Variants in FAT4 observed in about 807,000 individuals in gnomAD.
FAT4 encodes protocadherin Fat 4.
Under a neutral mutation model 303.9 loss-of-function variants are expected in FAT4, and 84 were observed. The observed-to-expected ratio is 0.28, with a 90% CI of 0.23 to 0.33. The LOEUF (loss-of-function observed/expected upper bound fraction) is 0.33, where lower values mean the gene tolerates loss of function less well. Among genes scored for constraint, FAT4 ranks in the 10% least tolerant of loss-of-function variants. FAT4 has a pLI of 1.00. For missense variants in FAT4, 6,005 were observed against 6,146.8 expected (o/e 0.98, Z 0.77); for synonymous variants, 2,307 against 2,298.8 (o/e 1.00, Z -0.10).
intron 2 of FAT4, among the ~76,000 whole-genome samples, chr4:125,361,831 C>A (rs978551157): frequency 3.3e-5 from 5 of 152,088 alleles, no homozygotes; most frequent in African/African-American, 1.2e-4. Flanking sequence ...TCTATTTGTT[C>A]TCATGTGCAA....
At chr4:125,432,494 G>A (rs1287164164) in intron 7 of FAT4, among the ~76,000 whole-genome samples, 7 of 152,092 alleles carry the variant, frequency 4.6e-5, no homozygotes, top group African/African-American at 1.2e-4. Flanking sequence ...ATGGAATTTT[G>A]ACAGTCTTAT....
chr4:125,426,615 T>G (rs1271534829), intron 7 of FAT4, among the ~76,000 whole-genome samples: 1 of 152,076 alleles, frequency 6.6e-6, no homozygotes, highest in Non-Finnish European at 1.5e-5. Context: ...AAAAAAATAT[T>G]TCTACATAGA....
rs1274448596 is a variant in FAT4, at chr4:125,463,574, G to A, written c.11812G>A (p.Glu3938Lys). The A allele has an allele frequency of 3.2e-6, 5 of 1,578,120 alleles. No homozygotes were observed. Among genetic ancestry groups the A allele is most frequent in the Non-Finnish European group, 4.3e-6 (5 of 1,158,062 alleles). The change falls in exon 11 of 18, where the codon GAA becomes AAA. Residue 3938 changes from glutamate to lysine, a missense_variant. Physicochemically the swap from Glu to Lys is moderately conservative, Grantham distance 56. Transcript: ENST00000394329. ...CKTGYTGKMC[E>K]SSVNYCECNP... is the part of the protein sequence containing the mutation. The stretch of plus-strand genomic sequence containing the variant: ...TTGATATATTTTAGGGAAAATGTGT[G>A]AATCTTCAGTCAATTACTGTGAATG...
rs1329863919 is a variant in FAT4 at position 125,319,239 on chromosome 4, A to G, written c.2828A>G (p.Asn943Ser). The stretch of plus-strand genomic sequence containing the variant: ...AACCCCAAGAACCTGTTTGCTATCA[A>G]TGAAAAGAATGGCACTATTAGTCTG... ...KQNPKNLFAI[N>S]EKNGTISLLG... Residue 943 changes from asparagine (N) to serine (S), a missense_variant, in exon 2 of 18, where the codon AAT becomes AGT. Asn to Ser is a conservative substitution (Grantham distance 46). Transcript: ENST00000394329. The G allele has an allele frequency of 1.9e-6, 3 of 1,614,196 alleles. No homozygotes were observed. Among genetic ancestry groups the G allele is most frequent in the Admixed American group, 3.3e-5 (2 of 60,034 alleles).
chr4:125,488,001 A>T (rs907930744), intron 17 of FAT4, among the ~76,000 whole-genome samples: 1 of 152,222 alleles, frequency 6.6e-6, no homozygotes, highest in African/African-American at 2.4e-5. Flanking sequence ...ACATTAATCA[A>T]ATTCTTACAC....
chr4:125,335,954 G>T (rs906096673), intron 2 of FAT4, among the ~76,000 whole-genome samples: 2 of 151,952 alleles, frequency 1.3e-5, no homozygotes, highest in Non-Finnish European at 2.9e-5. Context: ...ATTTACTTTT[G>T]TTGATGCTAC....
rs1176758674 is a variant in FAT4, at chr4:125,416,608, C to T, written c.7004C>T (p.Thr2335Ile). 8 of 1,613,572 alleles carry T rather than the reference C, an allele frequency of 5.0e-6. No homozygotes were observed. The highest frequency in any genetic ancestry group is 1.6e-4 in the Middle Eastern group (1 of 6,072). ...AAAGAGCGCTTTGTCTTAATGATTA[C>T]AGCTACAGATTCAGGTAAGTCCATT... ...ETKERFVLMI[T>I]ATDSGSPALT... The change falls in exon 7 of 18, where the codon ACA becomes ATA. Residue 2335 changes from threonine to isoleucine, a missense_variant. Coordinates refer to ENST00000394329, the MANE Select transcript of FAT4 (RefSeq NM_001291303.3).
chr4:125,390,659 T>C (rs891315329), intron 2 of FAT4, among the ~76,000 whole-genome samples: 2 of 152,202 alleles, frequency 1.3e-5, no homozygotes, highest in Admixed American at 1.3e-4. Flanking sequence ...TGAGTTGACA[T>C]CATAATGACC....
intron 16 of FAT4, 107 bp from the exon 17 acceptor site, chr4:125,487,238 A>G (rs1411662750): frequency 1.1e-6 from 1 of 921,548 alleles, no homozygotes; most frequent in Non-Finnish European, 1.6e-6. Flanking sequence ...TTCTTCAGCT[A>G]TTCTATCTGC....
intron 2 of FAT4, among the ~76,000 whole-genome samples, chr4:125,359,112 G>C (rs75150904): frequency 1.3e-5 from 2 of 152,056 alleles, no homozygotes; most frequent in African/African-American, 4.8e-5. Flanking sequence ...TATCTATATA[G>C]AATTAGCCAG....
rs1255185500 is a variant in FAT4, at chr4:125,343,372, A to G, written c.5175+21786A>G. On this transcript the variant is annotated intron_variant, in intron 2 of 17. Transcript: ENST00000394329. Reference sequence around the variant, plus strand: ...GGCAGCATCCAGGGCTAGAACCCATAGCACCAAGTCCATGGGCTCCTCCCA... The same window carrying G: ...GGCAGCATCCAGGGCTAGAACCCATGGCACCAAGTCCATGGGCTCCTCCCA... 3.3e-5 allele frequency among the ~76,000 whole-genome samples: 5 copies of G among 151,176 alleles called. No individual in the cohort carries two copies. The East Asian group carries it at 9.6e-4, about 29-fold the overall frequency.
At position 125,316,741 on chromosome 4, in the gene FAT4, C is replaced by T. The variant is rs1487398130; in HGVS notation, c.330C>T (p.Val110=). 1.9e-6 allele frequency: 3 copies of T among 1,614,022 alleles called. No homozygotes were observed. Among genetic ancestry groups the T allele is most frequent in the Middle Eastern group, 1.6e-4 (1 of 6,062 alleles). Residue 110 remains valine (V), a synonymous_variant, in exon 2 of 18, where the codon GTC becomes GTT. Transcript: ENST00000394329. This position sits in a 1 kb window ranked among gnomAD's most constrained non-coding sequence, Gnocchi z 5.7. ...CCAGCGACGTGATCAACCTGGTGGT[C>T]CTTTCCAGCGCGCCCACCTACCCCA... is the stretch of plus-strand genomic sequence containing the variant. The part of the protein sequence containing the change: ...SLPSDVINLV[V]LSSAPTYPTE...
At chr4:125,379,874 C>A (rs1733474974) in intron 2 of FAT4, among the ~76,000 whole-genome samples, 1 of 151,064 alleles carries the variant, frequency 6.6e-6, no homozygotes, top group Non-Finnish European at 1.5e-5. Context: ...GCTTATATGC[C>A]CACGTGTTTA....
chr4:125,480,367 CT>C (rs1451224979), intron 15 of FAT4, among the ~76,000 whole-genome samples: 8 of 152,172 alleles, frequency 5.3e-5, no homozygotes, highest in African/African-American at 1.9e-4. Context: ...TTGAATATTA[CT>C]TTTTAAAATC....
intron 2 of FAT4, among the ~76,000 whole-genome samples, chr4:125,332,847 C>T (rs115390886): frequency 0.014 from 2,192 of 152,124 alleles, 55 homozygotes; most frequent in African/African-American, 0.05. Flanking sequence ...ATGATTAAAA[C>T]GTTTTCCTGG....
chr4:125,383,945 A>G (rs1162631071), intron 2 of FAT4, among the ~76,000 whole-genome samples: 1 of 152,230 alleles, frequency 6.6e-6, no homozygotes, highest in East Asian at 1.9e-4. Flanking sequence ...TCACTGCCCT[A>G]TCAGACTGAC....
At position 125,444,175 on chromosome 4, in the gene FAT4, A is replaced by G. The variant is rs188398609; in HGVS notation, c.7200-2118A>G. Among the ~76,000 whole-genome samples the G allele has an allele frequency of 8.5e-5, 13 of 152,328 alleles. No individual in the cohort carries two copies. In the East Asian group the frequency reaches 1.5e-3, roughly 18 times the overall value. ...GTTTCTTTGTCTGTTTTGTGCTGCTATAGCTACAGACTGGGTAATTTATAA... is the reference window on the plus strand; with the variant it reads ...GTTTCTTTGTCTGTTTTGTGCTGCTGTAGCTACAGACTGGGTAATTTATAA... On this transcript the variant is annotated intron_variant, in intron 8 of 17. Transcript: ENST00000394329.
At chr4:125,357,663 C>T (rs1175257360) in intron 2 of FAT4, among the ~76,000 whole-genome samples, 1 of 152,088 alleles carries the variant, frequency 6.6e-6, no homozygotes, top group Non-Finnish European at 1.5e-5. Context: ...ATTTTATCTC[C>T]TCATTGCAAT....
chr4:125,439,980 AGTATG>A (rs1192186153), intron 8 of FAT4, among the ~76,000 whole-genome samples: 1 of 152,232 alleles, frequency 6.6e-6, no homozygotes, highest in Non-Finnish European at 1.5e-5. Context: ...TGTATCAAAC[AGTATG>A]TATGGAATCA....
Sources: gnomAD v4.1 joint callset for allele counts (sites outside exome capture counted in the v4.1 genomes callset) on GRCh38, gnomAD v4.1.1 for gene constraint, Gnocchi (gnomAD v3.1) non-coding constraint, MANE v1.5 for transcripts, NCBI Gene and HGNC (gene_info 2026-07-23, HGNC 2026-07-21) for gene names.